Variants in CPQ observed in about 807,000 individuals in gnomAD.
CPQ encodes carboxypeptidase Q.
Under a neutral mutation model 45.7 loss-of-function variants are expected in CPQ, and 37 were observed. That is an observed-to-expected ratio of 0.81 (90% CI 0.62 to 1.07). The LOEUF is 1.07. Among genes scored for constraint, CPQ ranks in the 50% least tolerant of loss-of-function variants. The pLI, the probability that CPQ is intolerant of heterozygous loss-of-function variation, is 0.00. For missense variants in CPQ, 537 were observed against 572.9 expected, an observed-to-expected ratio of 0.94 and a Z score of 0.64; for synonymous variants, 186 against 205.8, an observed-to-expected ratio of 0.90 and a Z score of 0.82.
intron 1 of CPQ, among the ~76,000 whole-genome samples, chr8:96,741,436 C>T (rs575020754): frequency 1.1e-4 from 17 of 151,698 alleles, no homozygotes; most frequent in East Asian, 2.0e-4. Flanking sequence ...CTCCCGGATT[C>T]GTTAATTTTT....
intron 7 of CPQ, among the ~76,000 whole-genome samples, chr8:97,080,532 A>T (rs762045353): frequency 7.2e-5 from 11 of 152,236 alleles, no homozygotes; most frequent in South Asian, 2.1e-4. Context: ...ATCTAATGTT[A>T]TACAATAAAC....
At chr8:96,711,897 A>G (rs774257096) in intron 1 of CPQ, among the ~76,000 whole-genome samples, 8 of 152,132 alleles carry the variant, frequency 5.3e-5, no homozygotes, top group Non-Finnish European at 1.5e-5. Context: ...ACATTAACCC[A>G]AAAGTCCAAG....
intron 6 of CPQ, among the ~76,000 whole-genome samples, chr8:97,051,652 C>A (rs1391578985): frequency 1.3e-5 from 2 of 152,154 alleles, no homozygotes; most frequent in Non-Finnish European, 2.9e-5. Flanking sequence ...TGTATCAACC[C>A]CCAAGGGACC....
intron 4 of CPQ, among the ~76,000 whole-genome samples, chr8:96,922,698 T>G (rs1259051397): frequency 2.0e-5 from 3 of 152,238 alleles, no homozygotes; most frequent in Non-Finnish European, 4.4e-5. Context: ...CATTTCAATA[T>G]TGTACCCTTT....
At chr8:96,711,169 G>T (rs1809603458) in intron 1 of CPQ, among the ~76,000 whole-genome samples, 1 of 151,816 alleles carries the variant, frequency 6.6e-6, no homozygotes, top group African/African-American at 2.4e-5. Context: ...GCTTCCATTT[G>T]CATGGATTAA....
intron 1 of CPQ, among the ~76,000 whole-genome samples, chr8:96,648,664 T>C (rs770316998): frequency 9.2e-5 from 14 of 151,796 alleles, no homozygotes; most frequent in Non-Finnish European, 1.3e-4. Flanking sequence ...CACCACAGGG[T>C]AATGTGGAAG....
intron 4 of CPQ, among the ~76,000 whole-genome samples, chr8:96,963,960 A>T (rs558276924): frequency 6.6e-6 from 1 of 151,882 alleles, no homozygotes; most frequent in Non-Finnish European, 1.5e-5. Flanking sequence ...TGTTTATGAG[A>T]CTCATACAAT....
At chr8:96,680,810 G>T (rs1809140354) in intron 1 of CPQ, among the ~76,000 whole-genome samples, 1 of 152,160 alleles carries the variant, frequency 6.6e-6, no homozygotes, top group Admixed American at 6.5e-5. Context: ...CCAAAATGCT[G>T]ATAATGATAT....
chr8:96,948,680 G>A (rs1466777326), intron 4 of CPQ, among the ~76,000 whole-genome samples: 1 of 152,058 alleles, frequency 6.6e-6, no homozygotes, highest in Non-Finnish European at 1.5e-5. Context: ...TATTATTCAT[G>A]TCCTCTGTTT....
intron 1 of CPQ, among the ~76,000 whole-genome samples, chr8:96,730,250 G>A (rs1205923083): frequency 6.6e-6 from 1 of 152,188 alleles, no homozygotes; most frequent in African/African-American, 2.4e-5. Flanking sequence ...TGTATATTTT[G>A]AATAGTGTAT....
intron 5 of CPQ, among the ~76,000 whole-genome samples, chr8:97,026,132 TG>T (rs1809795968): frequency 3.3e-5 from 5 of 152,222 alleles, no homozygotes; most frequent in Admixed American, 3.3e-4. Flanking sequence ...GAGGACCATG[TG>T]TCTCACCTAG....
At chr8:96,866,413 A>G (rs1811996311) in intron 3 of CPQ, among the ~76,000 whole-genome samples, 1 of 152,064 alleles carries the variant, frequency 6.6e-6, no homozygotes, top group African/African-American at 2.4e-5. Context: ...CCTTTAGATT[A>G]TGTAATATTC....
At chr8:97,119,790 T>C (rs1459237584) in intron 7 of CPQ, among the ~76,000 whole-genome samples, 2 of 152,200 alleles carry the variant, frequency 1.3e-5, no homozygotes, top group African/African-American at 4.8e-5. Flanking sequence ...GTTTTAATTG[T>C]TTCTTTATCC....
In CPQ at chr8:97,030,199, C is replaced by G. The variant is rs776314255; in HGVS notation, c.1053+705C>G. Among the ~76,000 whole-genome samples, 3 of 152,158 alleles carry G rather than the reference C, an allele frequency of 2.0e-5. No individual in the cohort carries two copies. The South Asian group carries it at 6.2e-4, about 32-fold the overall frequency. On this transcript the variant is annotated intron_variant, in intron 6 of 7. Coordinates refer to ENST00000220763, the MANE Select transcript of CPQ (RefSeq NM_016134.4). ...TCAAAGAGGAACTCCAAAATCAACG[C>G]GCATATGCTGGCAAGCAGTGATGGT... is the stretch of plus-strand genomic sequence containing the variant.
Position 96,684,415 on chromosome 8 carries a change from C to A in CPQ, c.-35+39013C>A, listed in dbSNP as rs541868410. 4.6e-5 allele frequency among the ~76,000 whole-genome samples: 7 copies of A among 152,224 alleles called. No homozygotes were observed. The South Asian group carries it at 1.0e-3, about 23-fold the overall frequency. ...TGCCATGCAGGCTGGTCCTTGGGTA[C>A]CAGTGGTGTTGGTGAGGCATGCCTG... On this transcript the variant is annotated intron_variant, in intron 1 of 7. Transcript: ENST00000220763.
At chr8:96,711,943 C>T (rs1446426621) in intron 1 of CPQ, among the ~76,000 whole-genome samples, 1 of 152,114 alleles carries the variant, frequency 6.6e-6, no homozygotes, top group Non-Finnish European at 1.5e-5. Context: ...GTCCCTTCTG[C>T]CTATTAGCCT....
At chr8:96,972,092 C>T (rs1813689341) in intron 5 of CPQ, among the ~76,000 whole-genome samples, 1 of 152,198 alleles carries the variant, frequency 6.6e-6, no homozygotes, top group African/African-American at 2.4e-5. Context: ...AAAGGAGAGG[C>T]TCTTGGTCTG....
chr8:96,822,327 A>G (rs1387964839), intron 2 of CPQ, among the ~76,000 whole-genome samples: 3 of 151,942 alleles, frequency 2.0e-5, no homozygotes, highest in Admixed American at 6.6e-5. Context: ...GGTTGATTCC[A>G]TATCTTGGGT....
chr8:97,051,057 G>A (rs747280473), intron 6 of CPQ, among the ~76,000 whole-genome samples: 5 of 152,208 alleles, frequency 3.3e-5, no homozygotes, highest in East Asian at 3.9e-4. Context: ...GACAGAACCA[G>A]TACTCCAACC....
Sources: gnomAD v4.1 joint callset for allele counts (sites outside exome capture counted in the v4.1 genomes callset) on GRCh38, gnomAD v4.1.1 for gene constraint, MANE v1.5 for transcripts, NCBI Gene and HGNC (gene_info 2026-07-23, HGNC 2026-07-21) for gene names.